Variants in SLC38A6 observed in about 807,000 individuals in gnomAD.
SLC38A6 encodes the protein solute carrier family 38 member 6.
SLC38A6 carries 73 observed loss-of-function variants against 65.0 expected under a neutral mutation model. The ratio of observed to expected loss-of-function variants is 1.12; its 90% CI spans 0.93 to 1.37. The LOEUF (loss-of-function observed/expected upper bound fraction) is 1.37. SLC38A6 is among the 40% of genes most tolerant of loss of function. The pLI is 0.00. For missense variants in SLC38A6, 561 were observed against 531.1 expected (o/e 1.06, Z -0.55); for synonymous variants, 183 against 178.8 (o/e 1.02, Z -0.19).
chr14:60,990,856 T>A (rs1263917376), intron 3 of SLC38A6, among the ~76,000 whole-genome samples: 20 of 152,266 alleles, frequency 1.3e-4, no homozygotes, highest in South Asian at 2.1e-4. Context: ...GCTCATTTTT[T>A]AATTTTTTGC....
chr14:61,003,662 T>C (rs1260451474), intron 3 of SLC38A6, among the ~76,000 whole-genome samples: 1 of 152,204 alleles, frequency 6.6e-6, no homozygotes, highest in Non-Finnish European at 1.5e-5. Context: ...TATGCTGAGA[T>C]GCTGCAGATT....
Position 61,015,914 on chromosome 14 carries a change from T to A in SLC38A6, c.321T>A (p.Ser107=), listed in dbSNP as rs753337743. Residue 107 remains serine (S), a synonymous_variant, in exon 4 of 16, where the codon TCT becomes TCA. Coordinates refer to ENST00000267488, the MANE Select transcript of SLC38A6 (RefSeq NM_153811.3). ...AATTTCTCTTAACAGCTGTAACATC[T>A]TATGAAGATCTTGGACTCTTTGCAT... The part of the protein sequence containing the change: ...LSMCIQTAVT[S]YEDLGLFAFG... The A allele has an allele frequency of 6.2e-7, 1 of 1,608,090 alleles. No homozygotes were observed. The highest frequency in any genetic ancestry group is 1.7e-5 in the Admixed American group (1 of 58,664).
chr14:60,993,019 G>T (rs1010837693), intron 3 of SLC38A6, among the ~76,000 whole-genome samples: 1 of 152,008 alleles, frequency 6.6e-6, no homozygotes, highest in African/African-American at 2.4e-5. Flanking sequence ...GCTGATTTTT[G>T]TATTTTTTAG....
intron 8 of SLC38A6, 103 bp from the exon 9 acceptor site, chr14:61,043,044 A>G (rs2041904657): frequency 4.2e-6 from 3 of 719,242 alleles, no homozygotes; most frequent in Non-Finnish European, 6.8e-6. Flanking sequence ...AGACTCTTCT[A>G]TTAGCATCTT....
intron 1 of SLC38A6, chr14:60,981,773 A>T (rs2037048479): frequency 1.6e-6 from 2 of 1,235,704 alleles, no homozygotes; most frequent in Admixed American, 4.7e-5. Flanking sequence ...CTTCCGACTT[A>T]GTCATGGGGG....
intron 3 of SLC38A6, among the ~76,000 whole-genome samples, chr14:61,009,614 G>A (rs1287296564): frequency 1.3e-5 from 2 of 150,172 alleles, no homozygotes; most frequent in Non-Finnish European, 3.0e-5. Flanking sequence ...TCCCACCTAT[G>A]AGTGAGAACA....
chr14:61,074,585 C>G (rs901957445), intron 15 of SLC38A6, among the ~76,000 whole-genome samples: 11 of 152,168 alleles, frequency 7.2e-5, no homozygotes, highest in African/African-American at 2.7e-4. Context: ...AAGACCCCAT[C>G]TTGAAATACT....
At chr14:61,002,716 C>T (rs372235520) in intron 3 of SLC38A6, among the ~76,000 whole-genome samples, 3 of 152,074 alleles carry the variant, frequency 2.0e-5, no homozygotes, top group East Asian at 1.9e-4. Flanking sequence ...AAATTTTCCC[C>T]GAATTTACTT....
At chr14:61,036,402 A>G (rs2041370229) in intron 6 of SLC38A6, among the ~76,000 whole-genome samples, 1 of 147,792 alleles carries the variant, frequency 6.8e-6, no homozygotes, top group African/African-American at 2.5e-5. Context: ...ATGAGAGCAC[A>G]TGAACACAGG....
At chr14:60,994,449 G>A (rs753985515) in intron 3 of SLC38A6, among the ~76,000 whole-genome samples, 22 of 152,198 alleles carry the variant, frequency 1.4e-4, no homozygotes, top group Non-Finnish European at 2.8e-4. Flanking sequence ...GGAGGCTGAG[G>A]CAGGAGAATC....
chr14:61,083,728 C>T (rs2043745845), downstream of SLC38A6: 3 of 1,545,226 alleles, frequency 1.9e-6, no homozygotes, highest in Middle Eastern at 2.1e-4. Flanking sequence ...GTTGTTTAAT[C>T]ACCCAGTTTG....
chr14:61,038,416 T>C (rs1449988877), intron 8 of SLC38A6, among the ~76,000 whole-genome samples: 3 of 152,156 alleles, frequency 2.0e-5, no homozygotes, highest in Non-Finnish European at 4.4e-5. Context: ...TATAGCAGTT[T>C]ATTCCATAAT....
At chr14:61,002,814 T>C (rs1006925516) in intron 3 of SLC38A6, among the ~76,000 whole-genome samples, 3 of 152,220 alleles carry the variant, frequency 2.0e-5, no homozygotes, top group African/African-American at 7.2e-5. Flanking sequence ...TGCTAATGAT[T>C]GCTTTCAGTC....
At chr14:60,989,560 CA>C (rs796125029) in intron 3 of SLC38A6, among the ~76,000 whole-genome samples, 1 of 150,242 alleles carries the variant, frequency 6.7e-6, no homozygotes, top group Non-Finnish European at 1.5e-5. Context: ...CCCATCTCTA[CA>C]AAAAAAAATA....
At chr14:61,036,539 C>T (rs2041388605) in intron 6 of SLC38A6, among the ~76,000 whole-genome samples, 1 of 152,066 alleles carries the variant, frequency 6.6e-6, no homozygotes. Flanking sequence ...CAGCATACCA[C>T]CATGGCACAT....
intron 3 of SLC38A6, among the ~76,000 whole-genome samples, chr14:61,007,773 T>C (rs1020098370): frequency 6.6e-6 from 1 of 152,100 alleles, no homozygotes; most frequent in Non-Finnish European, 1.5e-5. Flanking sequence ...ACCTTCTCAA[T>C]GCCAAATTAG....
intron 8 of SLC38A6, 22 bp downstream of exon 8, chr14:61,037,705 T>G: frequency 4.1e-6 from 6 of 1,466,044 alleles, no homozygotes; most frequent in Non-Finnish European, 5.6e-6. Context: ...ATATAATACA[T>G]TGCTTATCTC....
intron 5 of SLC38A6, among the ~76,000 whole-genome samples, chr14:61,023,335 C>T (rs1323702609): frequency 6.6e-6 from 1 of 151,936 alleles, no homozygotes; most frequent in Admixed American, 6.6e-5. Flanking sequence ...CTTTGGGAGG[C>T]CAAAGTGGGA....
chr14:61,038,125 G>A (rs1384335173), intron 8 of SLC38A6, among the ~76,000 whole-genome samples: 1 of 151,902 alleles, frequency 6.6e-6, no homozygotes, highest in Non-Finnish European at 1.5e-5. Context: ...GTAAGAACTG[G>A]GTTGACTGAA....
Sources: gnomAD v4.1 joint callset for allele counts (sites outside exome capture counted in the v4.1 genomes callset) on GRCh38, gnomAD v4.1.1 for gene constraint, MANE v1.5 for transcripts, NCBI Gene and HGNC (gene_info 2026-07-23, HGNC 2026-07-21) for gene names.